WWOX: variants seen among roughly 807,000 people sequenced by gnomAD.
WWOX encodes WW domain-containing oxidoreductase.
In WWOX, 69 loss-of-function variants were observed where a neutral mutation model predicts 46.2. That is an observed-to-expected ratio of 1.49 (90% CI 1.23 to 1.82). The LOEUF is 1.82. Among genes scored for constraint, WWOX ranks in the 40% most tolerant of loss-of-function variants. WWOX has a pLI of 0.00. For missense variants in WWOX, 919 were observed against 542.6 expected (o/e 1.69, Z -6.89); for synonymous variants, 359 against 202.6 (o/e 1.77, Z -6.56).
In WWOX at chr16:79,160,868, A is replaced by C. The variant is rs538070735; in HGVS notation, c.1057-50740A>C. Among the ~76,000 whole-genome samples the C allele has an allele frequency of 5.7e-4, 76 of 134,470 alleles. 1 individual carries two copies. The highest frequency in any genetic ancestry group is 2.2e-3 in the African/African-American group (75 of 33,774). The allele number at this position is 134,470 out of a possible 152,430, so 88.2% of individuals were successfully genotyped here. The stretch of plus-strand genomic sequence containing the variant: ...TGTGTACGTATACACGCACACATAC[A>C]TAAATTGTGTACATACACATATACA... On this transcript the variant is annotated intron_variant, in intron 8 of 8. Coordinates refer to ENST00000566780, the MANE Select transcript of WWOX (RefSeq NM_016373.4).
chr16:78,436,665 G>A (rs1484282196), intron 8 of WWOX, among the ~76,000 whole-genome samples: 2 of 152,154 alleles, frequency 1.3e-5, no homozygotes, highest in East Asian at 3.9e-4. Flanking sequence ...CTCTGAGCTT[G>A]CTTGTCAAAT....
chr16:78,683,982 A>G (rs1394899522), intron 8 of WWOX, among the ~76,000 whole-genome samples: 2 of 152,220 alleles, frequency 1.3e-5, no homozygotes, highest in Non-Finnish European at 2.9e-5. Context: ...CCCCTCCTGC[A>G]CAACTGTGGC....
chr16:78,866,017 C>T (rs11648427), intron 8 of WWOX, among the ~76,000 whole-genome samples: 1,674 of 152,284 alleles, frequency 0.011, 10 homozygotes, highest in Admixed American at 0.018. Flanking sequence ...GCAGTTACAG[C>T]ATTCACAGCA....
intron 8 of WWOX, among the ~76,000 whole-genome samples, chr16:78,657,903 T>G (rs1407801818): frequency 6.6e-6 from 1 of 152,118 alleles, no homozygotes; most frequent in East Asian, 1.9e-4. Context: ...TTGTTCTCAT[T>G]AGAAAGTATA....
At chr16:78,325,347 C>G (rs1173494376) in intron 5 of WWOX, among the ~76,000 whole-genome samples, 1 of 152,108 alleles carries the variant, frequency 6.6e-6, no homozygotes, top group African/African-American at 2.4e-5. Flanking sequence ...TATTCCTATA[C>G]TATGATTAAA....
intron 8 of WWOX, among the ~76,000 whole-genome samples, chr16:78,844,650 A>G (rs921667032): frequency 1.3e-5 from 2 of 152,216 alleles, no homozygotes; most frequent in East Asian, 1.9e-4. Context: ...TTTCCGTGCA[A>G]TTAATATCCT....
At chr16:78,184,375 A>G (rs1422643484) in intron 5 of WWOX, among the ~76,000 whole-genome samples, 1 of 152,164 alleles carries the variant, frequency 6.6e-6, no homozygotes, top group African/African-American at 2.4e-5. Context: ...AAATGACCTC[A>G]TTATCATCAT....
At chr16:79,135,606 T>G (rs1224988087) in intron 8 of WWOX, among the ~76,000 whole-genome samples, 2 of 152,230 alleles carry the variant, frequency 1.3e-5, no homozygotes, top group African/African-American at 4.8e-5. Context: ...AATTCAATTG[T>G]GGACCAATGA....
chr16:78,853,401 C>T (rs1318657812), intron 8 of WWOX, among the ~76,000 whole-genome samples: 1 of 151,988 alleles, frequency 6.6e-6, no homozygotes, highest in Non-Finnish European at 1.5e-5. Context: ...TTAGTAGAGA[C>T]AGGGTTTTGC....
intron 8 of WWOX, among the ~76,000 whole-genome samples, chr16:78,513,579 C>A (rs1214364806): frequency 6.6e-6 from 1 of 152,092 alleles, no homozygotes; most frequent in African/African-American, 2.4e-5. Context: ...AGGAATGATC[C>A]AGGGGAAATA....
chr16:78,990,020 C>T (rs1321653129), intron 8 of WWOX, among the ~76,000 whole-genome samples: 16 of 151,608 alleles, frequency 1.1e-4, no homozygotes, highest in Non-Finnish European at 1.5e-5. Context: ...CTCATCTCTA[C>T]AAAAAATACA....
chr16:78,624,890 G>C (rs775240373), intron 8 of WWOX, among the ~76,000 whole-genome samples: 1 of 152,186 alleles, frequency 6.6e-6, no homozygotes, highest in Non-Finnish European at 1.5e-5. Context: ...GTGATGAAAG[G>C]TGATGTTCAC....
intron 8 of WWOX, among the ~76,000 whole-genome samples, chr16:78,835,555 T>G (rs1014159279): frequency 6.6e-6 from 1 of 152,218 alleles, no homozygotes; most frequent in East Asian, 1.9e-4. Flanking sequence ...TTCACACAGT[T>G]GTTCACACAC....
chr16:79,074,167 C>T (rs921723813), intron 8 of WWOX, among the ~76,000 whole-genome samples: 2 of 151,990 alleles, frequency 1.3e-5, no homozygotes, highest in African/African-American at 4.8e-5. Flanking sequence ...CAACTCCGAC[C>T]CCAAGTTGGA....
chr16:79,045,541 C>A (rs1003538674), intron 8 of WWOX, among the ~76,000 whole-genome samples: 1 of 152,148 alleles, frequency 6.6e-6, no homozygotes, highest in African/African-American at 2.4e-5. Context: ...CATTCCTAGT[C>A]TCATTTTCCC....
intron 5 of WWOX, among the ~76,000 whole-genome samples, chr16:78,174,678 A>G (rs867445753): frequency 2.0e-5 from 3 of 152,138 alleles, no homozygotes; most frequent in South Asian, 2.1e-4. Context: ...CTTCCCACCA[A>G]TGTGTCAATT....
At chr16:78,305,840 A>G (rs1418344421) in intron 5 of WWOX, among the ~76,000 whole-genome samples, 5 of 152,186 alleles carry the variant, frequency 3.3e-5, no homozygotes, top group African/African-American at 9.7e-5. Context: ...TGCCATAACC[A>G]GTAGCCAACT....
intron 8 of WWOX, among the ~76,000 whole-genome samples, chr16:78,734,279 G>T (rs2049032828): frequency 6.6e-6 from 1 of 152,092 alleles, no homozygotes; most frequent in South Asian, 2.1e-4. Flanking sequence ...TACCTGAAAA[G>T]GGAGTATTTT....
chr16:78,320,569 T>G (rs1340696882), intron 5 of WWOX, among the ~76,000 whole-genome samples: 1 of 152,206 alleles, frequency 6.6e-6, no homozygotes, highest in African/African-American at 2.4e-5. Context: ...GGAGAAGGTA[T>G]TGAAGAAGTC....
Sources: gnomAD v4.1 joint callset for allele counts (sites outside exome capture counted in the v4.1 genomes callset) on GRCh38, gnomAD v4.1.1 for gene constraint, MANE v1.5 for transcripts, NCBI Gene and HGNC (gene_info 2026-07-23, HGNC 2026-07-21) for gene names.